Variants in SPECC1L observed in about 807,000 individuals in gnomAD.
SPECC1L encodes sperm antigen with calponin homology and coiled-coil domains 1 like.
A neutral mutation model predicts 116.8 loss-of-function variants in SPECC1L; 40 were observed. The observed-to-expected ratio is 0.34, with a 90% CI of 0.27 to 0.45. The LOEUF is 0.45. Among genes scored for constraint, SPECC1L ranks in the 20% least tolerant of loss-of-function variants. SPECC1L has a pLI of 1.00. For synonymous variants in SPECC1L, 504 were observed against 500.6 expected, an observed-to-expected ratio of 1.01 and a Z score of -0.09; for missense variants, 1,110 against 1,373.6, an observed-to-expected ratio of 0.81 and a Z score of 3.03.
At chr22:24,271,734 G>T (rs1374414313) in intron 1 of SPECC1L, among the ~76,000 whole-genome samples, 2 of 152,216 alleles carry the variant, frequency 1.3e-5, no homozygotes, top group East Asian at 3.8e-4. Flanking sequence ...AAAATTCTGT[G>T]ATCATTCAAA....
intron 1 of SPECC1L, among the ~76,000 whole-genome samples, chr22:24,276,084 GT>G: frequency 6.6e-6 from 1 of 152,172 alleles, no homozygotes; most frequent in South Asian, 2.1e-4. Flanking sequence ...TAGGAAAGAA[GT>G]ATGCAAAGAA....
At chr22:24,386,626 C>T (rs756520669) in intron 14 of SPECC1L, among the ~76,000 whole-genome samples, 72 of 151,650 alleles carry the variant, frequency 4.7e-4, no homozygotes, top group Non-Finnish European at 7.4e-4. Context: ...TATTTTGAGA[C>T]GGAGTCTTGC....
intron 1 of SPECC1L, among the ~76,000 whole-genome samples, chr22:24,273,452 A>T (rs1377819642): frequency 2.6e-5 from 4 of 152,226 alleles, no homozygotes; most frequent in Non-Finnish European, 5.9e-5. Flanking sequence ...TTATGAAATG[A>T]TGGTGATAGT....
chr22:24,393,147 TGAA>T (rs2042303376), intron 14 of SPECC1L, among the ~76,000 whole-genome samples: 1 of 152,238 alleles, frequency 6.6e-6, no homozygotes, highest in Non-Finnish European at 1.5e-5. Context: ...AGGAGGCTTC[TGAA>T]GAAGATGTGG....
chr22:24,313,849 C>T (rs2040507520), intron 4 of SPECC1L, among the ~76,000 whole-genome samples: 1 of 151,774 alleles, frequency 6.6e-6, no homozygotes, highest in Admixed American at 6.6e-5. Context: ...AGCGATTCTC[C>T]TGCCTCAGCC....
intron 14 of SPECC1L, among the ~76,000 whole-genome samples, chr22:24,392,598 T>C (rs944914075): frequency 6.6e-5 from 10 of 152,244 alleles, no homozygotes; most frequent in Non-Finnish European, 1.5e-4. Context: ...TCATGATAAA[T>C]GATTATGGGA....
At chr22:24,272,237 C>T (rs2146309988) in intron 1 of SPECC1L, among the ~76,000 whole-genome samples, 1 of 151,828 alleles carries the variant, frequency 6.6e-6, no homozygotes, top group South Asian at 2.1e-4. Context: ...AAAAAGCGCG[C>T]GCCTGTAATC....
At chr22:24,285,054 G>C (rs1047581044) in intron 2 of SPECC1L, among the ~76,000 whole-genome samples, 4 of 152,244 alleles carry the variant, frequency 2.6e-5, no homozygotes, top group Non-Finnish European at 5.9e-5. Flanking sequence ...GATCAAAGCT[G>C]TGGTGGTTAG....
At chr22:24,362,680 T>G (rs1163793040) in intron 11 of SPECC1L, among the ~76,000 whole-genome samples, 1 of 152,226 alleles carries the variant, frequency 6.6e-6, no homozygotes, top group African/African-American at 2.4e-5. Context: ...TTTGTACCTT[T>G]CTCTGACTGT....
At chr22:24,392,442 A>T (rs963049519) in intron 14 of SPECC1L, among the ~76,000 whole-genome samples, 18 of 152,342 alleles carry the variant, frequency 1.2e-4, no homozygotes, top group Non-Finnish European at 1.0e-4. Flanking sequence ...CTCCACAGAC[A>T]AGTTGGAGTT....
At chr22:24,285,635 T>TTTG (rs2049027297) in intron 2 of SPECC1L, among the ~76,000 whole-genome samples, 1 of 149,790 alleles carries the variant, frequency 6.7e-6, no homozygotes, top group South Asian at 2.2e-4. Flanking sequence ...GCTGTTTTTT[T>TTTG]TTTTGTTGTT....
intron 12 of SPECC1L, among the ~76,000 whole-genome samples, chr22:24,363,678 G>A (rs187613020): frequency 6.6e-6 from 1 of 151,986 alleles, no homozygotes. Flanking sequence ...CAGTTTCCTA[G>A]CACACCACTT....
intron 11 of SPECC1L, among the ~76,000 whole-genome samples, chr22:24,348,356 CTG>C (rs1053292430): frequency 6.6e-6 from 1 of 152,200 alleles, no homozygotes; most frequent in African/African-American, 2.4e-5. Flanking sequence ...AGGACTGGCT[CTG>C]TGGGCTCCAT....
Position 24,414,878 on chromosome 22 carries a change from T to C in SPECC1L, c.*255T>C, listed in dbSNP as rs1285192745. ...AGCACACATCCTGCAGGCCGGTGGCTGCTGGAGTTTTCCTTCTGAAGAGAA... is the reference window on the plus strand; with the variant it reads ...AGCACACATCCTGCAGGCCGGTGGCCGCTGGAGTTTTCCTTCTGAAGAGAA... On this transcript the variant is annotated 3_prime_UTR_variant, in exon 17 of 17. Coordinates refer to ENST00000314328, the MANE Select transcript of SPECC1L (RefSeq NM_015330.6). 3.8e-6 allele frequency: 2 copies of C among 531,478 alleles called. No homozygotes were observed. The highest frequency in any genetic ancestry group is 3.8e-5 in the African/African-American group (2 of 52,344). 32.9% of individuals were successfully genotyped at this position (531,478 alleles called of 1,614,324 possible). A position where few individuals can be genotyped will look rare whatever the true frequency, so the allele number is the denominator to read the frequency against.
chr22:24,392,320 T>C (rs944695417), intron 14 of SPECC1L, among the ~76,000 whole-genome samples: 3 of 151,880 alleles, frequency 2.0e-5, no homozygotes, highest in Non-Finnish European at 4.4e-5. Flanking sequence ...AAATAATCTT[T>C]ATGTATCATC....
intron 10 of SPECC1L, among the ~76,000 whole-genome samples, chr22:24,342,231 A>G (rs2041191163): frequency 6.6e-6 from 1 of 152,254 alleles, no homozygotes; most frequent in Admixed American, 6.5e-5. Context: ...AATGTCACCT[A>G]TAACCAGGGG....
chr22:24,383,977 A>G (rs1024375984), intron 14 of SPECC1L, among the ~76,000 whole-genome samples: 1 of 151,942 alleles, frequency 6.6e-6, no homozygotes, highest in Non-Finnish European at 1.5e-5. Flanking sequence ...GGACTAAAAA[A>G]TTCATTAGCT....
intron 11 of SPECC1L, among the ~76,000 whole-genome samples, chr22:24,359,540 A>G (rs1260240171): frequency 6.6e-6 from 1 of 151,942 alleles, no homozygotes; most frequent in Non-Finnish European, 1.5e-5. Context: ...TGCTGCATCA[A>G]AGAGCCCTTG....
Position 24,363,267 on chromosome 22 carries a change from T to C in SPECC1L, c.2750T>C (p.Leu917Pro). The C allele has an allele frequency of 6.2e-7, 1 of 1,614,018 alleles. No individual in the cohort carries two copies. ...TTCTTTCTACTTTGTACAGAGCATC[T>C]GTTAAGAACATCTTCAGCCAGCCGG... The part of the protein sequence containing the change: ...NYGEIPVQEH[L>P]LRTSSASRPA... Residue 917 changes from leucine (L) to proline (P), a missense_variant, in exon 12 of 17, where the codon CTG becomes CCG. Leu to Pro is a moderately conservative substitution (Grantham distance 98). This residue lies in a region of SPECC1L where 575 missense variants were observed against 682.4 expected (regional missense o/e 0.84). Transcript: ENST00000314328.
Sources: gnomAD v4.1 joint callset for allele counts (sites outside exome capture counted in the v4.1 genomes callset) on GRCh38, gnomAD v4.1.1 for gene constraint, gnomAD v4.1.1 regional missense constraint, MANE v1.5 for transcripts, NCBI Gene and HGNC (gene_info 2026-07-23, HGNC 2026-07-21) for gene names.